Variants in TTC7B observed in about 807,000 individuals in gnomAD.
TTC7B encodes the protein tetratricopeptide repeat protein 7B.
Under a neutral mutation model 106.8 loss-of-function variants are expected in TTC7B, and 28 were observed. That is an observed-to-expected ratio of 0.26 (90% confidence interval 0.19 to 0.36). TTC7B has a LOEUF of 0.36. TTC7B is among the 10% of genes least tolerant of loss of function. The pLI, the probability that TTC7B is intolerant of heterozygous loss-of-function variation, is 1.00. For missense variants in TTC7B, 862 were observed against 1,076.4 expected (o/e 0.80, Z 2.79); for synonymous variants, 405 against 430.6 (o/e 0.94, Z 0.74).
intron 18 of TTC7B, among the ~76,000 whole-genome samples, chr14:90,588,493 C>A (rs1021960746): frequency 6.6e-6 from 1 of 152,138 alleles, no homozygotes; most frequent in East Asian, 1.9e-4. Context: ...GACCCTGGCT[C>A]AGTGCTGAAG....
At chr14:90,789,187 C>T (rs1378626185) in intron 1 of TTC7B, among the ~76,000 whole-genome samples, 1 of 152,078 alleles carries the variant, frequency 6.6e-6, no homozygotes. Flanking sequence ...CTGCAACCTT[C>T]GCCTGGGTTC....
intron 19 of TTC7B, among the ~76,000 whole-genome samples, chr14:90,568,853 AAGG>A (rs755648112): frequency 1.3e-5 from 2 of 152,250 alleles, no homozygotes; most frequent in Non-Finnish European, 2.9e-5. Context: ...CTTTTACTCC[AAGG>A]AGGACACAGA....
intron 4 of TTC7B, among the ~76,000 whole-genome samples, chr14:90,736,605 C>T: frequency 6.6e-6 from 1 of 151,714 alleles, no homozygotes; most frequent in East Asian, 1.9e-4. Context: ...GGAAATGAGG[C>T]CAGGCTTGGT....
In TTC7B at chr14:90,669,811, A is replaced by G. The variant is rs139608568; in HGVS notation, c.1152+6712T>C. ...TGGTGAAGAAGTGGAGAAATTAGAA[A>G]CCTGTGTATTGCTGGTAGGAATGTA... On this transcript the variant is annotated intron_variant, in intron 9 of 19. Coordinates refer to ENST00000328459, the MANE Select transcript of TTC7B (RefSeq NM_001010854.2). 1.1e-3 allele frequency among the ~76,000 whole-genome samples: 166 copies of G among 152,306 alleles called. 1 individual carries two copies. The highest frequency in any genetic ancestry group is 3.9e-3 in the African/African-American group (163 of 41,570).
intron 1 of TTC7B, among the ~76,000 whole-genome samples, chr14:90,794,276 G>A (rs924386279): frequency 1.4e-5 from 2 of 145,358 alleles, no homozygotes; most frequent in African/African-American, 2.6e-5. Flanking sequence ...CGGAGTGCTG[G>A]AGTGCAGTGG....
In TTC7B at chr14:90,526,003, T is replaced by C. The variant is rs1001552633; in HGVS notation, c.*15365A>G. ...AAAAATAAAAAAAAAAAAGAAGTCT[T>C]TGTATTTTATATTTGTACATATATT... On this transcript the variant is annotated 3_prime_UTR_variant, in exon 20 of 20. Transcript: ENST00000328459. 3.3e-5 allele frequency: 5 copies of C among 151,930 alleles called. No homozygotes were observed. Among genetic ancestry groups the C allele is most frequent in the African/African-American group, 1.2e-4 (5 of 41,324 alleles). 9.4% of individuals were successfully genotyped at this position (151,930 alleles called of 1,614,324 possible).
intron 1 of TTC7B, among the ~76,000 whole-genome samples, chr14:90,813,770 C>T (rs2031028294): frequency 1.3e-5 from 2 of 150,994 alleles, no homozygotes; most frequent in African/African-American, 2.4e-5. Context: ...GCAGAAGATG[C>T]TTTAACTTCA....
Position 90,575,862 on chromosome 14 carries a change from T to C in TTC7B, c.2310+2244A>G, listed in dbSNP as rs1891244096. 1.3e-5 allele frequency among the ~76,000 whole-genome samples: 2 copies of C among 152,158 alleles called. 1 individual carries two copies. Among genetic ancestry groups the C allele is most frequent in the South Asian group, 4.1e-4 (2 of 4,830 alleles). On this transcript the variant is annotated intron_variant, in intron 19 of 19. Transcript: ENST00000328459. The surrounding 1 kb of genome is among the most constrained non-coding windows in gnomAD (Gnocchi z 5.2). ...CAGGATCCACGGAGAGAGGTTTTAA[T>C]AGTTTATTATGATGACCCCTCTCTA...
At chr14:90,646,868 C>G in intron 14 of TTC7B, 83 bp downstream of exon 14, 1 of 1,256,418 alleles carries the variant, frequency 8.0e-7, no homozygotes, top group Non-Finnish European at 1.2e-6. Flanking sequence ...AGGAAGATCA[C>G]CTACCACTTC....
In TTC7B at chr14:90,655,026, G is replaced by C. The variant is rs1885887749; in HGVS notation, c.1426C>G (p.Leu476Val). Residue 476 changes from leucine (L) to valine (V), a missense_variant, in exon 12 of 20, where the codon CTG becomes GTG. Leu to Val is a conservative substitution (Grantham distance 32, BLOSUM62 1). Transcript: ENST00000328459. ...SEFKAKGYLA[L>V]GLTYSLQATD... ...GCCTGCAGACTGTACGTGAGCCCCA[G>C]AGCTAAGTAGCCTTTGGCCTTGAAC... 1.2e-6 allele frequency: 2 copies of C among 1,614,098 alleles called. No individual in the cohort carries two copies.
chr14:90,689,319 G>A (rs909850457), intron 7 of TTC7B, among the ~76,000 whole-genome samples: 1 of 152,204 alleles, frequency 6.6e-6, no homozygotes, highest in East Asian at 1.9e-4. Context: ...CAAGCACTGA[G>A]ATGAGAGCAT....
intron 1 of TTC7B, among the ~76,000 whole-genome samples, chr14:90,795,486 C>T (rs1891744954): frequency 6.6e-6 from 1 of 152,160 alleles, no homozygotes; most frequent in South Asian, 2.1e-4. Flanking sequence ...GTGCAGTTTA[C>T]AGAAAGGAGA....
intron 15 of TTC7B, among the ~76,000 whole-genome samples, chr14:90,618,830 C>T (rs1296771308): frequency 1.3e-5 from 2 of 152,208 alleles, no homozygotes; most frequent in African/African-American, 4.8e-5. Context: ...CCAGTATGAG[C>T]CCAGCTTCCT....
rs1181751797 is a variant in TTC7B, at chr14:90,580,331, C to A, written c.2108-2023G>T. On this transcript the variant is annotated intron_variant, in intron 18 of 19. Transcript: ENST00000328459. ...GTTCTCATTTTATCTACATGGTGATCCAGTAGGTACTATTATTTTATCCCC... is the reference window on the plus strand; with the variant it reads ...GTTCTCATTTTATCTACATGGTGATACAGTAGGTACTATTATTTTATCCCC... 2.0e-5 allele frequency among the ~76,000 whole-genome samples: 3 copies of A among 152,218 alleles called. No individual in the cohort carries two copies. In the East Asian group the frequency reaches 5.8e-4, roughly 29 times the overall value.
chr14:90,565,063 G>T (rs7154688), intron 19 of TTC7B, among the ~76,000 whole-genome samples: 1 of 151,982 alleles, frequency 6.6e-6, no homozygotes, highest in Non-Finnish European at 1.5e-5. Context: ...ATGAACTAAC[G>T]TCTGCTAGCT....
intron 19 of TTC7B, among the ~76,000 whole-genome samples, chr14:90,560,797 G>C (rs1315712886): frequency 6.6e-6 from 1 of 152,218 alleles, no homozygotes; most frequent in Non-Finnish European, 1.5e-5. Flanking sequence ...AGTAAGGGTA[G>C]CTGGTGGGGG....
At chr14:90,685,021 T>C (rs1205055693) in intron 7 of TTC7B, among the ~76,000 whole-genome samples, 2 of 152,320 alleles carry the variant, frequency 1.3e-5, no homozygotes, top group East Asian at 3.9e-4. Flanking sequence ...GTATTTCCTT[T>C]CAAATTCAAG....
At chr14:90,660,182 G>A (rs111498032) in intron 9 of TTC7B, among the ~76,000 whole-genome samples, 5,560 of 151,804 alleles carry the variant, frequency 0.037, 138 homozygotes, top group Non-Finnish European at 0.054. Context: ...CCAGGAGTTC[G>A]AGACCAGCTA....
At chr14:90,676,490 C>T (rs750905603) in intron 9 of TTC7B, 33 bp downstream of exon 9, 2 of 1,607,762 alleles carry the variant, frequency 1.2e-6, no homozygotes, top group Non-Finnish European at 8.5e-7. Flanking sequence ...TGCCACCCAC[C>T]ACCTGGATGT....
Sources: allele counts gnomAD v4.1 joint callset (sites outside exome capture counted in the v4.1 genomes callset), GRCh38; gene constraint gnomAD v4.1.1; non-coding constraint Gnocchi (gnomAD v3.1); transcripts MANE v1.5; gene names NCBI Gene and HGNC (gene_info 2026-07-23, HGNC 2026-07-21).